PCSK2: variants seen among roughly 807,000 people sequenced by gnomAD.
The protein encoded by PCSK2 is neuroendocrine convertase 2.
PCSK2 carries 14 observed loss-of-function variants against 69.7 expected under a neutral mutation model. That is an observed-to-expected ratio of 0.20 (90% CI 0.13 to 0.31). The LOEUF is 0.31. Ranked by LOEUF, PCSK2 falls within the 10% of genes least tolerant of loss-of-function variation. The pLI is 1.00. For synonymous variants in PCSK2, 307 were observed against 320.7 expected, an observed-to-expected ratio of 0.96 and a Z score of 0.46; for missense variants, 544 against 842.5, an observed-to-expected ratio of 0.65 and a Z score of 4.39.
At chr20:17,378,087 G>A (rs2030980433) in intron 5 of PCSK2, among the ~76,000 whole-genome samples, 2 of 152,112 alleles carry the variant, frequency 1.3e-5, no homozygotes, top group Non-Finnish European at 2.9e-5. Flanking sequence ...GACCTTGGGG[G>A]GTTCACATGT....
intron 5 of PCSK2, among the ~76,000 whole-genome samples, chr20:17,387,993 C>G (rs758554098): frequency 2.0e-4 from 30 of 152,248 alleles, no homozygotes; most frequent in Admixed American, 3.3e-4. Context: ...TATCCCTATG[C>G]TGATACCTTA....
intron 2 of PCSK2, among the ~76,000 whole-genome samples, chr20:17,297,408 CAG>C (rs1369559939): frequency 2.0e-5 from 3 of 152,150 alleles, no homozygotes; most frequent in African/African-American, 7.2e-5. Flanking sequence ...GTTGCCTGGG[CAG>C]AGAGAGCTAT....
At chr20:17,418,558 T>G (rs16990260) in intron 6 of PCSK2, among the ~76,000 whole-genome samples, 1,661 of 152,080 alleles carry the variant, frequency 0.011, 14 homozygotes, top group South Asian at 0.039. Flanking sequence ...GAGAAAGAAA[T>G]AAATTCTGTG....
At chr20:17,359,322 G>T (rs1010576214) in intron 3 of PCSK2, among the ~76,000 whole-genome samples, 1 of 152,164 alleles carries the variant, frequency 6.6e-6, no homozygotes, top group Non-Finnish European at 1.5e-5. Context: ...AATTGAATGA[G>T]TGTACTTGTA....
At chr20:17,247,311 G>GGTAAA (rs1174175031) in intron 1 of PCSK2, among the ~76,000 whole-genome samples, 1 of 152,160 alleles carries the variant, frequency 6.6e-6, no homozygotes, top group Non-Finnish European at 1.5e-5. Flanking sequence ...ATAAAATGCA[G>GGTAAA]AGCTTATCCC....
intron 1 of PCSK2, among the ~76,000 whole-genome samples, chr20:17,240,898 G>A (rs1039629296): frequency 6.6e-6 from 1 of 152,300 alleles, no homozygotes; most frequent in South Asian, 2.1e-4. Flanking sequence ...TATCAACAAT[G>A]CATTGTCTAA....
chr20:17,465,297 C>A (rs41276388), intron 10 of PCSK2, 29 bp from the exon 11 acceptor site: 16 of 1,550,330 alleles, frequency 1.0e-5, no homozygotes, highest in Non-Finnish European at 1.4e-5. Context: ...TTTGCCCTTG[C>A]CCTCTTGCTC....
chr20:17,336,106 A>G (rs563322010), intron 2 of PCSK2, among the ~76,000 whole-genome samples: 16 of 152,308 alleles, frequency 1.1e-4, no homozygotes, highest in African/African-American at 3.8e-4. Flanking sequence ...ATGTTTTAAC[A>G]CTGTCACAAT....
intron 2 of PCSK2, among the ~76,000 whole-genome samples, chr20:17,270,025 A>T (rs1047439049): frequency 6.6e-6 from 1 of 152,120 alleles, no homozygotes; most frequent in African/African-American, 2.4e-5. Flanking sequence ...TCACTCCTCA[A>T]ACCTCTGCTT....
At chr20:17,356,448 C>T (rs886904449) in intron 2 of PCSK2, among the ~76,000 whole-genome samples, 7 of 152,172 alleles carry the variant, frequency 4.6e-5, no homozygotes, top group African/African-American at 1.2e-4. Context: ...CTTCTCATGT[C>T]AGTGTGCAGA....
At chr20:17,299,482 T>G (rs1046309545) in intron 2 of PCSK2, among the ~76,000 whole-genome samples, 3 of 152,188 alleles carry the variant, frequency 2.0e-5, no homozygotes, top group African/African-American at 7.2e-5. Flanking sequence ...TTTTTAATTT[T>G]CCTTGCCCAT....
intron 8 of PCSK2, among the ~76,000 whole-genome samples, chr20:17,449,546 T>TATATATATA (rs1442630991): frequency 4.0e-5 from 2 of 49,842 alleles, no homozygotes; most frequent in African/African-American, 1.6e-4. Context: ...ATATGTATAT[T>TATATATATA]TGAGACTGAG....
rs920569020 is a variant in PCSK2 at position 17,301,071 on chromosome 20, C to T, written c.282+40727C>T. 3.3e-5 allele frequency among the ~76,000 whole-genome samples: 5 copies of T among 152,144 alleles called. No homozygotes were observed. The South Asian group carries it at 6.2e-4, about 19-fold the overall frequency. Reference sequence around the variant, plus strand: ...GGCCTGCACTTCAAGAGTGGGGTGTCGTTGTTAAAAAGCCTTCTAAAATCA... The same window carrying T: ...GGCCTGCACTTCAAGAGTGGGGTGTTGTTGTTAAAAAGCCTTCTAAAATCA... On this transcript the variant is annotated intron_variant, in intron 2 of 11. Transcript: ENST00000262545.
chr20:17,404,170 G>A (rs573707022), intron 5 of PCSK2, among the ~76,000 whole-genome samples: 9 of 152,256 alleles, frequency 5.9e-5, no homozygotes, highest in South Asian at 2.1e-4. Flanking sequence ...AACCCCTGGC[G>A]CAATGCACAA....
At chr20:17,446,051 T>C (rs1417383306) in intron 8 of PCSK2, among the ~76,000 whole-genome samples, 6 of 152,178 alleles carry the variant, frequency 3.9e-5, no homozygotes, top group Non-Finnish European at 8.8e-5. Flanking sequence ...GCGCTATTAG[T>C]AGCGTTGGCC....
intron 8 of PCSK2, among the ~76,000 whole-genome samples, chr20:17,438,883 T>A (rs764266090): frequency 7.9e-5 from 12 of 152,212 alleles, no homozygotes; most frequent in African/African-American, 1.2e-4. Flanking sequence ...TACCCAAGAC[T>A]ACATAGTTTT....
At chr20:17,250,926 C>T (rs1986952472) in intron 1 of PCSK2, among the ~76,000 whole-genome samples, 2 of 152,028 alleles carry the variant, frequency 1.3e-5, no homozygotes, top group African/African-American at 2.4e-5. Flanking sequence ...ACAGCAAAAC[C>T]TGATCTCTAC....
intron 5 of PCSK2, among the ~76,000 whole-genome samples, chr20:17,370,330 T>C (rs183358143): frequency 6.5e-4 from 99 of 152,216 alleles, no homozygotes; most frequent in Non-Finnish European, 6.6e-4. Flanking sequence ...GGAAGGCGAG[T>C]GTCTCTACGT....
intron 1 of PCSK2, among the ~76,000 whole-genome samples, chr20:17,248,162 T>C (rs1226040900): frequency 7.1e-6 from 1 of 140,474 alleles, no homozygotes; most frequent in African/African-American, 2.7e-5. Context: ...AACAAAGTGA[T>C]GATATAAAAA....
Sources: gnomAD v4.1 joint callset for allele counts (sites outside exome capture counted in the v4.1 genomes callset) on GRCh38, gnomAD v4.1.1 for gene constraint, MANE v1.5 for transcripts, NCBI Gene and HGNC (gene_info 2026-07-23, HGNC 2026-07-21) for gene names.